PCDHGA11: variants seen among roughly 807,000 people sequenced by gnomAD.
PCDHGA11 encodes the protein protocadherin gamma-A11.
Under a neutral mutation model 60.4 loss-of-function variants are expected in PCDHGA11, and 39 were observed. The observed-to-expected ratio is 0.65, with a 90% CI of 0.50 to 0.84. The LOEUF (loss-of-function observed/expected upper bound fraction) is 0.84. Ranked by LOEUF, PCDHGA11 falls within the 40% of genes least tolerant of loss-of-function variation. The pLI is 0.00. For missense variants in PCDHGA11, 1,165 were observed against 1,197.7 expected, an observed-to-expected ratio of 0.97 and a Z score of 0.40; for synonymous variants, 533 against 510.3, an observed-to-expected ratio of 1.04 and a Z score of -0.60.
In PCDHGA11 at chr5:141,485,865, C is replaced by T. The variant is rs1214425261; in HGVS notation, c.2434-8942C>T. The stretch of plus-strand genomic sequence containing the variant: ...TCTGGCACCGCAGAGCTCCGGGTAT[C>T]CGTGCTGGACGTAAACGACAACGCC... On this transcript the variant is annotated intron_variant, in intron 1 of 3. Transcript: ENST00000398587. The surrounding 1 kb of genome is among the most constrained non-coding windows in gnomAD (Gnocchi z 5.7). 23 of 1,614,182 alleles carry T rather than the reference C, an allele frequency of 1.4e-5. No homozygotes were observed. Among genetic ancestry groups the T allele is most frequent in the Non-Finnish European group, 1.8e-5 (21 of 1,180,034 alleles).
At chr5:141,445,357 G>A (rs115045385) in intron 1 of PCDHGA11, among the ~76,000 whole-genome samples, 18 of 152,258 alleles carry the variant, frequency 1.2e-4, no homozygotes, top group Admixed American at 1.1e-3. Context: ...GTCTGCCCAA[G>A]TCTGGTCCTG....
chr5:141,434,480 C>T (rs777049751), intron 1 of PCDHGA11, among the ~76,000 whole-genome samples: 6 of 152,194 alleles, frequency 3.9e-5, no homozygotes, highest in Non-Finnish European at 5.9e-5. Context: ...GGGCAAGGAA[C>T]ACCTGGCCCG....
chr5:141,424,878 G>A (rs1455273258), intron 1 of PCDHGA11, among the ~76,000 whole-genome samples: 2 of 152,162 alleles, frequency 1.3e-5, no homozygotes, highest in African/African-American at 4.8e-5. Context: ...GAGGAAAGGA[G>A]ACTTATCTAG....
At chr5:141,481,963 TA>T (rs1158466251) in intron 1 of PCDHGA11, among the ~76,000 whole-genome samples, 1 of 148,746 alleles carries the variant, frequency 6.7e-6, no homozygotes, top group Non-Finnish European at 1.5e-5. Context: ...CAGGTGCCTG[TA>T]GTCACAGCTA....
chr5:141,490,936 C>T lies in PCDHGA11; in HGVS notation c.2434-3871C>T. 6.2e-7 allele frequency: 1 copy of T among 1,613,694 alleles called. No individual in the cohort carries two copies. On this transcript the variant is annotated intron_variant, in intron 1 of 3. Transcript: ENST00000398587. The surrounding 1 kb of genome is among the most constrained non-coding windows in gnomAD (Gnocchi z 5.4). ...GAATGATAATGCCCCAGCTGTGCTG[C>T]ACCCACGGCCAGACTGGGAACACTC...
chr5:141,438,955 C>T (rs965336489), intron 1 of PCDHGA11, among the ~76,000 whole-genome samples: 3 of 151,926 alleles, frequency 2.0e-5, no homozygotes, highest in Non-Finnish European at 4.4e-5. Flanking sequence ...CATGAGCCAC[C>T]GCACCCTGCC....
In PCDHGA11 at chr5:141,476,299, C is replaced by G; in HGVS notation, c.2434-18508C>G. On this transcript the variant is annotated intron_variant, in intron 1 of 3. Transcript: ENST00000398587. This position sits in a 1 kb window ranked among gnomAD's most constrained non-coding sequence, Gnocchi z 7.6. The stretch of plus-strand genomic sequence containing the variant: ...ACCTTGGTTTGGATCTCGGTAGCCT[C>G]TCAGCCCGCAGGTTCCGGGTGGTGT... The G allele has an allele frequency of 6.2e-7, 1 of 1,614,100 alleles. No individual in the cohort carries two copies. The highest frequency in any genetic ancestry group is 8.5e-7 in the Non-Finnish European group (1 of 1,180,014).
In PCDHGA11 at chr5:141,491,696, G is replaced by A; in HGVS notation, c.2434-3111G>A. The A allele has an allele frequency of 6.2e-7, 1 of 1,612,390 alleles. No individual in the cohort carries two copies. The highest frequency in any genetic ancestry group is 8.5e-7 in the Non-Finnish European group (1 of 1,179,286). ...CGCTCTAATACGCTGCGGGAGCGGA[G>A]CCAGGTGAGGGGCTCGGCGCCGCCC... On this transcript the variant is annotated intron_variant, in intron 1 of 3. Coordinates refer to ENST00000398587, the MANE Select transcript of PCDHGA11 (RefSeq NM_018914.3). This position sits in a 1 kb window ranked among gnomAD's most constrained non-coding sequence, Gnocchi z 6.9.
rs746913952 is a variant in PCDHGA11, at chr5:141,432,898, G to T, written c.2433+9238G>T. 2.5e-6 allele frequency: 4 copies of T among 1,614,174 alleles called. No individual in the cohort carries two copies. Among genetic ancestry groups the T allele is most frequent in the Admixed American group, 3.3e-5 (2 of 60,034 alleles). ...TGGCCTTCGTCATCTTGCTGCTGGC[G>T]CTCAGGCTGCGGCGCTGGCACAAGT... On this transcript the variant is annotated intron_variant, in intron 1 of 3. Coordinates refer to ENST00000398587, the MANE Select transcript of PCDHGA11 (RefSeq NM_018914.3). The surrounding 1 kb of genome is among the most constrained non-coding windows in gnomAD (Gnocchi z 6.0).
chr5:141,492,007 C>A, intron 1 of PCDHGA11: 1 of 629,072 alleles, frequency 1.6e-6, no homozygotes, highest in Non-Finnish European at 2.6e-6. Flanking sequence ...GCGATTTCCG[C>A]GGGTGTCGGG....
intron 2 of PCDHGA11, among the ~76,000 whole-genome samples, chr5:141,497,622 C>G (rs1434147255): frequency 6.6e-6 from 1 of 151,538 alleles, no homozygotes; most frequent in African/African-American, 2.4e-5. Context: ...TCACTGCAAC[C>G]TCTGCCTGCC....
chr5:141,469,553 G>A (rs989713451), intron 1 of PCDHGA11, among the ~76,000 whole-genome samples: 2 of 152,086 alleles, frequency 1.3e-5, no homozygotes, highest in African/African-American at 2.4e-5. Flanking sequence ...CCAGCCTGGC[G>A]ACAGAGTGAG....
Position 141,476,383 on chromosome 5 carries a change from C to G in PCDHGA11, c.2434-18424C>G, listed in dbSNP as rs547854431. ...GGGAGACCGGAGAGATGTTTGTGAACGACCGTCTGGATCGAGAGGAGCTGT... is the reference window on the plus strand; with the variant it reads ...GGGAGACCGGAGAGATGTTTGTGAAGGACCGTCTGGATCGAGAGGAGCTGT... On this transcript the variant is annotated intron_variant, in intron 1 of 3. Transcript: ENST00000398587. The surrounding 1 kb of genome is among the most constrained non-coding windows in gnomAD (Gnocchi z 7.6). 1.2e-6 allele frequency: 2 copies of G among 1,614,102 alleles called. No homozygotes were observed. Among genetic ancestry groups the G allele is most frequent in the Middle Eastern group, 3.3e-4 (2 of 6,062 alleles).
chr5:141,491,714 C>A lies in PCDHGA11; in HGVS notation c.2434-3093C>A, dbSNP rs1321811999. On this transcript the variant is annotated intron_variant, in intron 1 of 3. Transcript: ENST00000398587. The surrounding 1 kb of genome is among the most constrained non-coding windows in gnomAD (Gnocchi z 6.9). ...GAGCGGAGCCAGGTGAGGGGCTCGG[C>A]GCCGCCCCGGGCGACCCCTGGGGGC... 2 of 1,608,742 alleles carry A rather than the reference C, an allele frequency of 1.2e-6. No individual in the cohort carries two copies. The highest frequency in any genetic ancestry group is 1.7e-6 in the Non-Finnish European group (2 of 1,177,914).
At chr5:141,502,019 G>A (rs1454981730) in intron 2 of PCDHGA11, among the ~76,000 whole-genome samples, 1 of 152,008 alleles carries the variant, frequency 6.6e-6, no homozygotes, top group African/African-American at 2.4e-5. Flanking sequence ...TCTCCTCCCT[G>A]CAACCCCCGC....
At chr5:141,427,882 A>G (rs2097084180) in intron 1 of PCDHGA11, 3 of 1,563,878 alleles carry the variant, frequency 1.9e-6, no homozygotes, top group Non-Finnish European at 2.6e-6. Flanking sequence ...ATGCAGGCCC[A>G]CGACCAGGGC....
intron 1 of PCDHGA11, among the ~76,000 whole-genome samples, chr5:141,472,015 T>C (rs2099269555): frequency 6.6e-6 from 1 of 152,164 alleles, no homozygotes; most frequent in African/African-American, 2.4e-5. Flanking sequence ...AGGGGCACTA[T>C]ATTGTATGTA....
Position 141,491,077 on chromosome 5 carries a change from T to TAGGA in PCDHGA11, c.2434-3730_2434-3729insAGGA, listed in dbSNP as rs752090443. 1.2e-6 allele frequency: 2 copies of TAGGA among 1,614,166 alleles called. No homozygotes were observed. Among genetic ancestry groups the TAGGA allele is most frequent in the Admixed American group, 3.3e-5 (2 of 60,014 alleles). On this transcript the variant is annotated intron_variant, in intron 1 of 3. Transcript: ENST00000398587. This position sits in a 1 kb window ranked among gnomAD's most constrained non-coding sequence, Gnocchi z 6.9. The stretch of plus-strand genomic sequence containing the variant: ...GCTCTCCTACTCACTGTTGCCACAG[T>TAGGA]CCACAGCCCCAGGACTGTTCCTCGT...
At chr5:141,428,114 C>CG in intron 1 of PCDHGA11, 2 of 1,607,202 alleles carry the variant, frequency 1.2e-6, no homozygotes, top group Non-Finnish European at 1.7e-6. Flanking sequence ...TGCAGGCCAT[C>CG]GAGCCCGGGC....
Sources: gnomAD v4.1 joint callset for allele counts (sites outside exome capture counted in the v4.1 genomes callset) on GRCh38, gnomAD v4.1.1 for gene constraint, Gnocchi (gnomAD v3.1) non-coding constraint, MANE v1.5 for transcripts, NCBI Gene and HGNC (gene_info 2026-07-23, HGNC 2026-07-21) for gene names.